MOB3B: variants seen among roughly 807,000 people sequenced by gnomAD.
MOB3B encodes the protein MOB kinase activator-like 2B.
MOB3B carries 7 observed loss-of-function variants against 18.7 expected under a neutral mutation model. The ratio of observed to expected loss-of-function variants is 0.37; its 90% confidence interval spans 0.21 to 0.70. MOB3B has a LOEUF of 0.70. Among genes scored for constraint, MOB3B ranks in the 30% least tolerant of loss-of-function variants. The probability of loss-of-function intolerance (pLI) is 0.52; values close to 1 mark genes in which losing one functional copy is unlikely to be tolerated. For synonymous variants in MOB3B, 111 were observed against 99.9 expected (o/e 1.11, Z -0.66); for missense variants, 253 against 281.3 (o/e 0.90, Z 0.72).
At chr9:27,437,613 C>T (rs757197591) in intron 2 of MOB3B, among the ~76,000 whole-genome samples, 3 of 152,202 alleles carry the variant, frequency 2.0e-5, no homozygotes, top group Non-Finnish European at 4.4e-5. Context: ...TGTCTCCCTT[C>T]AACTGCTACA....
At chr9:27,404,347 CTTTT>C (rs756275032) in intron 2 of MOB3B, among the ~76,000 whole-genome samples, 2,152 of 74,756 alleles carry the variant, frequency 0.029, 8 homozygotes, top group African/African-American at 0.12. Flanking sequence ...TTCTTTCTTT[CTTTT>C]TTTTTTTTTT....
intron 2 of MOB3B, among the ~76,000 whole-genome samples, chr9:27,406,489 G>A (rs1821979975): frequency 6.6e-6 from 1 of 152,100 alleles, no homozygotes; most frequent in Non-Finnish European, 1.5e-5. Context: ...TTCAAATTAT[G>A]CTACAAAGCT....
intron 3 of MOB3B, among the ~76,000 whole-genome samples, chr9:27,352,169 T>C (rs994195324): frequency 2.6e-5 from 4 of 152,032 alleles, no homozygotes; most frequent in African/African-American, 7.2e-5. Context: ...TCACTTGAGC[T>C]CAGGAGTTCC....
intron 1 of MOB3B, among the ~76,000 whole-genome samples, chr9:27,516,619 A>C: frequency 6.6e-6 from 1 of 152,168 alleles, no homozygotes; most frequent in East Asian, 1.9e-4. Flanking sequence ...CAAACAAACA[A>C]AACGAAAAAA....
chr9:27,386,525 G>C (rs1051607789), intron 2 of MOB3B, among the ~76,000 whole-genome samples: 3 of 152,176 alleles, frequency 2.0e-5, no homozygotes, highest in African/African-American at 7.2e-5. Flanking sequence ...TTCTTCACAT[G>C]CTAGAATGCA....
At chr9:27,401,550 C>A (rs1821879398) in intron 2 of MOB3B, among the ~76,000 whole-genome samples, 1 of 152,188 alleles carries the variant, frequency 6.6e-6, no homozygotes, top group Admixed American at 6.5e-5. Flanking sequence ...GCAGTACTGA[C>A]AACTCCACAG....
intron 3 of MOB3B, 33 bp from the exon 4 acceptor site, chr9:27,330,649 A>G: frequency 6.2e-7 from 1 of 1,613,816 alleles, no homozygotes; most frequent in Non-Finnish European, 8.5e-7. Flanking sequence ...TGGTTAGGAG[A>G]AACTATAAGC....
At chr9:27,355,459 CCTT>C (rs764470074) in intron 3 of MOB3B, among the ~76,000 whole-genome samples, 3 of 152,166 alleles carry the variant, frequency 2.0e-5, no homozygotes, top group East Asian at 1.9e-4. Context: ...ATGCCTGACT[CCTT>C]CATCATCCTT....
At chr9:27,462,255 G>C (rs1819305138) in intron 1 of MOB3B, among the ~76,000 whole-genome samples, 1 of 152,098 alleles carries the variant, frequency 6.6e-6, no homozygotes, top group East Asian at 1.9e-4. Context: ...CTCTAAGTCA[G>C]TGAGAGATTT....
chr9:27,333,616 T>C (rs1486520046), intron 3 of MOB3B, among the ~76,000 whole-genome samples: 6 of 152,244 alleles, frequency 3.9e-5, no homozygotes, highest in Admixed American at 2.6e-4. Flanking sequence ...GAGAAGCTTC[T>C]GAGAAAGTTC....
chr9:27,395,767 T>C (rs1821789094), intron 2 of MOB3B, among the ~76,000 whole-genome samples: 1 of 152,230 alleles, frequency 6.6e-6, no homozygotes, highest in Non-Finnish European at 1.5e-5. Flanking sequence ...GGAGCCAAGC[T>C]GACCAGGGCT....
intron 2 of MOB3B, among the ~76,000 whole-genome samples, chr9:27,399,417 T>A (rs1821844231): frequency 6.6e-6 from 1 of 152,152 alleles, no homozygotes; most frequent in Non-Finnish European, 1.5e-5. Flanking sequence ...TTCAGACCAT[T>A]ATGGCTTTGG....
chr9:27,487,921 A>C (rs1819755674), intron 1 of MOB3B, among the ~76,000 whole-genome samples: 1 of 152,024 alleles, frequency 6.6e-6, no homozygotes, highest in Non-Finnish European at 1.5e-5. Flanking sequence ...TGACTGTCTG[A>C]TAATCTTTAC....
intron 1 of MOB3B, among the ~76,000 whole-genome samples, chr9:27,505,085 C>T (rs1587264636): frequency 1.3e-5 from 2 of 152,202 alleles, no homozygotes; most frequent in East Asian, 1.9e-4. Flanking sequence ...TAATCGCATA[C>T]ACAAAATTTC....
rs1397954366 is a variant in MOB3B at position 27,327,271 on chromosome 9, A to T, written c.*3316T>A. On this transcript the variant is annotated 3_prime_UTR_variant, in exon 4 of 4. Coordinates refer to ENST00000262244, the MANE Select transcript of MOB3B (RefSeq NM_024761.5). ...CACTCTATAAATGTATGTGTCCTGAATTTCAGAGCTTAATAATGAATTATG... is the reference window on the plus strand; with the variant it reads ...CACTCTATAAATGTATGTGTCCTGATTTTCAGAGCTTAATAATGAATTATG... 6.6e-6 allele frequency: 1 copy of T among 152,236 alleles called. No homozygotes were observed. The highest frequency in any genetic ancestry group is 2.1e-4 in the South Asian group (1 of 4,828). The allele number at this position is 152,236 out of a possible 1,614,324, so 9.4% of individuals were successfully genotyped here. A position where few individuals can be genotyped will look rare whatever the true frequency, so the allele number is the denominator to read the frequency against.
At chr9:27,458,226 G>A (rs1253738356) in intron 1 of MOB3B, among the ~76,000 whole-genome samples, 1 of 151,984 alleles carries the variant, frequency 6.6e-6, no homozygotes, top group Non-Finnish European at 1.5e-5. Flanking sequence ...ACATACCCTT[G>A]GTGCCACTAA....
chr9:27,445,527 C>T (rs368281562), intron 2 of MOB3B, among the ~76,000 whole-genome samples: 1 of 152,312 alleles, frequency 6.6e-6, no homozygotes, highest in East Asian at 1.9e-4. Flanking sequence ...CATTTGCTCA[C>T]ATTTCTCTTC....
intron 3 of MOB3B, 88 bp downstream of exon 3, chr9:27,358,946 A>T: frequency 7.5e-7 from 1 of 1,328,262 alleles, no homozygotes; most frequent in Non-Finnish European, 1.1e-6. Context: ...GCCATCAATG[A>T]GCATTTTCCA....
At chr9:27,377,007 C>T (rs1048708394) in intron 2 of MOB3B, among the ~76,000 whole-genome samples, 2 of 152,198 alleles carry the variant, frequency 1.3e-5, no homozygotes, top group African/African-American at 4.8e-5. Flanking sequence ...ATTAGCTACA[C>T]GATCTTGGGC....
Sources: allele counts gnomAD v4.1 joint callset (sites outside exome capture counted in the v4.1 genomes callset), GRCh38; gene constraint gnomAD v4.1.1; transcripts MANE v1.5; gene names NCBI Gene and HGNC (gene_info 2026-07-23, HGNC 2026-07-21).